Variants in MAST4 observed in about 807,000 individuals in gnomAD.
MAST4 encodes the protein microtubule-associated serine/threonine-protein kinase 4.
Under a neutral mutation model 162.7 loss-of-function variants are expected in MAST4, and 89 were observed. That is an observed-to-expected ratio of 0.55 (90% CI 0.46 to 0.65). The LOEUF is 0.65. MAST4 is among the 30% of genes least tolerant of loss of function. The pLI is 0.00. For missense variants in MAST4, 3,153 were observed against 3,374.0 expected (o/e 0.93, Z 1.62); for synonymous variants, 1,479 against 1,361.1 (o/e 1.09, Z -1.91).
intron 1 of MAST4, among the ~76,000 whole-genome samples, chr5:66,664,857 G>A (rs9291873): frequency 4.0e-5 from 6 of 151,858 alleles, no homozygotes; most frequent in South Asian, 2.1e-4. Flanking sequence ...ACATTACAAC[G>A]AGAAAGTGAA....
At chr5:66,756,198 A>G (rs894074612) in intron 1 of MAST4, among the ~76,000 whole-genome samples, 1 of 152,256 alleles carries the variant, frequency 6.6e-6, no homozygotes, top group African/African-American at 2.4e-5. Context: ...GAATCCTTCC[A>G]AATTTTCTAT....
intron 1 of MAST4, among the ~76,000 whole-genome samples, chr5:66,746,957 A>ATTT (rs374549454): frequency 6.7e-6 from 1 of 148,516 alleles, no homozygotes; most frequent in South Asian, 2.1e-4. Context: ...TACTAGCTTT[A>ATTT]TTTTTTTTTT....
chr5:66,773,198 G>A (rs985822853), intron 2 of MAST4, among the ~76,000 whole-genome samples: 2 of 152,124 alleles, frequency 1.3e-5, no homozygotes, highest in African/African-American at 2.4e-5. Context: ...GCAACCAACC[G>A]GGAAGTTGAA....
intron 4 of MAST4, among the ~76,000 whole-genome samples, chr5:66,908,784 C>A (rs1205315149): frequency 6.6e-6 from 1 of 152,120 alleles, no homozygotes; most frequent in Non-Finnish European, 1.5e-5. Context: ...CACTGAGTAG[C>A]ATTTTGGAGC....
chr5:67,029,267 C>T (rs1007618953), intron 4 of MAST4, among the ~76,000 whole-genome samples: 1 of 152,174 alleles, frequency 6.6e-6, no homozygotes, highest in African/African-American at 2.4e-5. Flanking sequence ...GTTTCTGGCC[C>T]TCTGCATTCC....
intron 1 of MAST4, among the ~76,000 whole-genome samples, chr5:66,646,773 G>A (rs868563827): frequency 6.6e-6 from 1 of 152,136 alleles, no homozygotes; most frequent in African/African-American, 2.4e-5. Context: ...TGTAAGAATA[G>A]GGCAAATAAC....
chr5:66,797,981 T>TACC, intron 3 of MAST4, among the ~76,000 whole-genome samples: 1 of 152,212 alleles, frequency 6.6e-6, no homozygotes, highest in Admixed American at 6.5e-5. Flanking sequence ...CACCCTAGAA[T>TACC]ACCACCACCA....
At chr5:66,615,330 GTT>G (rs1743599851) in intron 1 of MAST4, among the ~76,000 whole-genome samples, 1 of 152,098 alleles carries the variant, frequency 6.6e-6, no homozygotes, top group African/African-American at 2.4e-5. Flanking sequence ...TAGACACCGG[GTT>G]TCCTGCCTGG....
chr5:66,948,023 CTG>C (rs1321927354), intron 4 of MAST4, among the ~76,000 whole-genome samples: 2 of 152,084 alleles, frequency 1.3e-5, no homozygotes, highest in Non-Finnish European at 2.9e-5. Flanking sequence ...ATAAAGTGGA[CTG>C]TCTCTCTTAT....
chr5:66,905,274 G>C (rs1364095965), intron 4 of MAST4, among the ~76,000 whole-genome samples: 1 of 133,396 alleles, frequency 7.5e-6, no homozygotes, highest in Non-Finnish European at 1.5e-5. Flanking sequence ...GCCCACGCCA[G>C]CCTGGGCAAC....
At chr5:66,785,387 TTC>T (rs1755067092) in intron 2 of MAST4, among the ~76,000 whole-genome samples, 1 of 152,190 alleles carries the variant, frequency 6.6e-6, no homozygotes, top group Non-Finnish European at 1.5e-5. Flanking sequence ...TATAGAATCA[TTC>T]TGTCTTAATT....
intron 2 of MAST4, among the ~76,000 whole-genome samples, chr5:66,768,300 G>A (rs145948889): frequency 1.3e-5 from 2 of 152,310 alleles, no homozygotes; most frequent in African/African-American, 2.4e-5. Flanking sequence ...GAAGGTGTTT[G>A]GAGGAACAGG....
intron 2 of MAST4, among the ~76,000 whole-genome samples, chr5:66,769,940 C>A (rs1754287899): frequency 6.6e-6 from 1 of 152,212 alleles, no homozygotes; most frequent in Non-Finnish European, 1.5e-5. Context: ...TTAAAAACAT[C>A]CTGCTGGTAT....
intron 24 of MAST4, among the ~76,000 whole-genome samples, chr5:67,152,064 C>T (rs138265690): frequency 1.1e-4 from 16 of 152,228 alleles, no homozygotes; most frequent in Non-Finnish European, 1.5e-4. Context: ...CCACTACACC[C>T]GGCCAGTTAA....
At chr5:66,980,991 C>T (rs561078349) in intron 4 of MAST4, among the ~76,000 whole-genome samples, 1 of 151,854 alleles carries the variant, frequency 6.6e-6, no homozygotes, top group Non-Finnish European at 1.5e-5. Flanking sequence ...TTTTTTTTCT[C>T]ATGAAAGAAT....
At chr5:66,646,484 A>G (rs1317288904) in intron 1 of MAST4, among the ~76,000 whole-genome samples, 1 of 152,160 alleles carries the variant, frequency 6.6e-6, no homozygotes, top group Non-Finnish European at 1.5e-5. Flanking sequence ...TTCTGTTCCT[A>G]CTTGTCATTT....
rs554332869 is a variant in MAST4, at chr5:66,671,837, C to T, written c.363+74819C>T. Reference sequence around the variant, plus strand: ...AATAAAACCAACTAATTCACTCACTCTTTAAAGAGTGTGTTTCATTATCCT... The same window carrying T: ...AATAAAACCAACTAATTCACTCACTTTTTAAAGAGTGTGTTTCATTATCCT... On this transcript the variant is annotated intron_variant, in intron 1 of 28. Transcript: ENST00000403625. Among the ~76,000 whole-genome samples, 435 of 152,242 alleles carry T rather than the reference C, an allele frequency of 2.9e-3. 1 individual carries two copies. Among genetic ancestry groups the T allele is most frequent in the Non-Finnish European group, 5.1e-3 (350 of 68,020 alleles).
intron 5 of MAST4, among the ~76,000 whole-genome samples, chr5:67,055,208 A>G (rs765687679): frequency 1.3e-5 from 2 of 152,160 alleles, no homozygotes; most frequent in African/African-American, 4.8e-5. Context: ...GGATGTGTGT[A>G]CTTCATTAAG....
intron 14 of MAST4, among the ~76,000 whole-genome samples, chr5:67,122,813 C>G (rs563764667): frequency 6.6e-6 from 1 of 152,272 alleles, no homozygotes; most frequent in Non-Finnish European, 1.5e-5. Flanking sequence ...TGAGGTATAT[C>G]ACACTTTGGG....
Sources: gnomAD v4.1 joint callset for allele counts (sites outside exome capture counted in the v4.1 genomes callset) on GRCh38, gnomAD v4.1.1 for gene constraint, MANE v1.5 for transcripts, NCBI Gene and HGNC (gene_info 2026-07-23, HGNC 2026-07-21) for gene names.